KNOP1: variants seen among roughly 807,000 people sequenced by gnomAD.
The protein encoded by KNOP1 is lysine-rich nucleolar protein 1.
A neutral mutation model predicts 30.6 loss-of-function variants in KNOP1; 20 were observed. That is an observed-to-expected ratio of 0.65 (90% CI 0.46 to 0.95). The LOEUF (loss-of-function observed/expected upper bound fraction) is 0.95. KNOP1 is among the 40% of genes least tolerant of loss of function. The pLI, the probability that KNOP1 is intolerant of heterozygous loss-of-function variation, is 0.00. For synonymous variants in KNOP1, 204 were observed against 210.0 expected, an observed-to-expected ratio of 0.97 and a Z score of 0.25; for missense variants, 540 against 562.0, an observed-to-expected ratio of 0.96 and a Z score of 0.40.
rs1976303189 is a variant in KNOP1 at position 19,705,053 on chromosome 16, A to G, written c.*1857T>C. The G allele has an allele frequency of 4.8e-6, 2 of 412,676 alleles. No homozygotes were observed. The highest frequency in any genetic ancestry group is 2.0e-5 in the African/African-American group (1 of 48,884). 25.6% of individuals were successfully genotyped at this position (412,676 alleles called of 1,614,324 possible). On this transcript the variant is annotated 3_prime_UTR_variant, in exon 5 of 5. Coordinates refer to ENST00000219837, the MANE Select transcript of KNOP1 (RefSeq NM_001012991.3). ...TGGGCAGATGACTCATTGCCCAGCA[A>G]TGGAGGCTTCTGGAAGTTTCCTTGA...
chr16:19,713,974 C>A, intron 2 of KNOP1, 144 bp downstream of exon 2: 1 of 766,776 alleles, frequency 1.3e-6, no homozygotes, highest in Non-Finnish European at 2.1e-6. Context: ...ACTCCCTATT[C>A]TGGCTGAAAT....
At position 19,702,376 on chromosome 16, in the gene KNOP1, C is replaced by G. The variant is rs1976196840; in HGVS notation, c.*4534G>C. 6.6e-6 allele frequency: 1 copy of G among 152,224 alleles called. No individual in the cohort carries two copies. Among genetic ancestry groups the G allele is most frequent in the Admixed American group, 6.5e-5 (1 of 15,274 alleles). 9.4% of individuals were successfully genotyped at this position (152,224 alleles called of 1,614,324 possible). On this transcript the variant is annotated 3_prime_UTR_variant, in exon 5 of 5. Transcript: ENST00000219837. ...TGGCAAATTCACAAATTATGTTCTT[C>G]AAGTCATTTCTTCTCCTCTGAGGCT...
intron 4 of KNOP1, among the ~76,000 whole-genome samples, chr16:19,708,794 G>A (rs1229806835): frequency 6.6e-6 from 1 of 152,162 alleles, no homozygotes; most frequent in African/African-American, 2.4e-5. Flanking sequence ...CAGCTCCCCT[G>A]CCCTGCAGTT....
At position 19,713,389 on chromosome 16, in the gene KNOP1, G is replaced by A. The variant is rs528739189; in HGVS notation, c.918+729C>T. Among the ~76,000 whole-genome samples, 4 of 152,236 alleles carry A rather than the reference G, an allele frequency of 2.6e-5. No individual in the cohort carries two copies. In the East Asian group the frequency reaches 5.8e-4, roughly 22 times the overall value. ...ATTACAAGCATGAGCCACCGCACCC[G>A]GCCACCTTTGGTTTTAGATTAGAGC... On this transcript the variant is annotated intron_variant, in intron 2 of 4. Transcript: ENST00000219837.
At chr16:19,713,445 C>T (rs753268013) in intron 2 of KNOP1, among the ~76,000 whole-genome samples, 10 of 152,156 alleles carry the variant, frequency 6.6e-5, no homozygotes, top group Non-Finnish European at 1.2e-4. Context: ...CTGAGGCCTG[C>T]GATAGTGGCC....
chr16:19,707,785 A>C (rs1396982927), intron 4 of KNOP1, among the ~76,000 whole-genome samples: 2 of 76,234 alleles, frequency 2.6e-5, no homozygotes, highest in Non-Finnish European at 5.0e-5. Flanking sequence ...ACCTCCTCCC[A>C]CCACGCTACA....
intron 4 of KNOP1, 142 bp from the exon 5 acceptor site, chr16:19,707,363 A>ATTATCC (rs779065744): frequency 3.0e-5 from 20 of 656,132 alleles, no homozygotes; most frequent in Non-Finnish European, 5.0e-5. Flanking sequence ...TCAACAACGG[A>ATTATCC]TTATTCCGTT....
chr16:19,706,923 T>C lies in KNOP1; in HGVS notation c.1364A>G (p.Lys455Arg), dbSNP rs778347837. 4 of 1,612,382 alleles carry C rather than the reference T, an allele frequency of 2.5e-6. No individual in the cohort carries two copies. In the African/African-American group the frequency reaches 4.0e-5, roughly 16 times the overall value. Residue 455 changes from lysine (K) to arginine (R), a missense_variant, in exon 5 of 5, where the codon AAG becomes AGG. Physicochemically the swap from Lys to Arg is conservative, Grantham distance 26. Coordinates refer to ENST00000219837, the MANE Select transcript of KNOP1 (RefSeq NM_001012991.3). ...YIDRNASKSV[K>R]LED ...AAACTCTAGAGTTTAATCTTCCAGC[T>C]TGACTGACTTGGAAGCGTTCCTGTC...
At position 19,706,490 on chromosome 16, in the gene KNOP1, C is replaced by T. The variant is rs189372775; in HGVS notation, c.*420G>A. On this transcript the variant is annotated 3_prime_UTR_variant, in exon 5 of 5. Transcript: ENST00000219837. ...ACATTAAGGAAAACACTAGTATGTC[C>T]CTAGTACCTGCTAAACACTCAACAA... 1 of 183,854 alleles carries T rather than the reference C, an allele frequency of 5.4e-6. No individual in the cohort carries two copies. Among genetic ancestry groups the T allele is most frequent in the Non-Finnish European group, 1.1e-5 (1 of 89,778 alleles). The allele number at this position is 183,854 out of a possible 1,614,324, so 11.4% of individuals were successfully genotyped here. A position where few individuals can be genotyped will look rare whatever the true frequency, so the allele number is the denominator to read the frequency against.
rs368855262 is a variant in KNOP1, at chr16:19,714,386, T to G, written c.650A>C (p.Lys217Thr). Reference protein sequence around the residue: ...EHNGKVKKKKKIHQEGDALPG... With the variant: ...EHNGKVKKKKTIHQEGDALPG... ...GAGGGCATCTCCCTCCTGGTGGATT[T>G]TTTTTTTCTTCTTCACCTTCCCATT... Residue 217 changes from lysine to threonine, a missense_variant, in exon 2 of 5, where the codon AAA becomes ACA. Coordinates refer to ENST00000219837, the MANE Select transcript of KNOP1 (RefSeq NM_001012991.3). The G allele has an allele frequency of 2.5e-6, 4 of 1,613,938 alleles. No homozygotes were observed. Among genetic ancestry groups the G allele is most frequent in the Non-Finnish European group, 3.4e-6 (4 of 1,179,928 alleles).
At chr16:19,717,618 A>C in intron 1 of KNOP1, 11 of 985,644 alleles carry the variant, frequency 1.1e-5, no homozygotes, top group Non-Finnish European at 1.3e-5. Flanking sequence ...CACTCTTTCA[A>C]GGAGAAAGGA....
At chr16:19,710,996 A>T (rs954405374) in intron 3 of KNOP1, among the ~76,000 whole-genome samples, 2 of 151,994 alleles carry the variant, frequency 1.3e-5, no homozygotes, top group African/African-American at 4.8e-5. Flanking sequence ...TATGGGAACG[A>T]CAGAAGCGGA....
intron 4 of KNOP1, among the ~76,000 whole-genome samples, chr16:19,707,746 C>A: frequency 7.6e-6 from 1 of 131,700 alleles, no homozygotes; most frequent in Non-Finnish European, 1.6e-5. Context: ...GAGCACTCCC[C>A]CCACCTCCCT....
intron 4 of KNOP1, 112 bp from the exon 5 acceptor site, chr16:19,707,333 C>A: frequency 2.5e-6 from 2 of 789,534 alleles, no homozygotes; most frequent in East Asian, 2.5e-5. Flanking sequence ...TGCTGTGTAC[C>A]AGGCACAGTG....
In KNOP1 at chr16:19,705,323, A is replaced by G. The variant is rs1397804867; in HGVS notation, c.*1587T>C. The G allele has an allele frequency of 4.4e-6, 2 of 450,016 alleles. No homozygotes were observed. The highest frequency in any genetic ancestry group is 9.0e-6 in the Non-Finnish European group (2 of 223,412). 27.9% of individuals were successfully genotyped at this position (450,016 alleles called of 1,614,324 possible). A position where few individuals can be genotyped will look rare whatever the true frequency, so the allele number is the denominator to read the frequency against. ...GTAGGAGGCATGTTCAGGCCAAACG[A>G]TCGTGAAAATGTCCCAGTCAGAACC... On this transcript the variant is annotated 3_prime_UTR_variant, in exon 5 of 5. Transcript: ENST00000219837.
At position 19,704,199 on chromosome 16, in the gene KNOP1, CA is replaced by C. The variant is rs370301813; in HGVS notation, c.*2710del. The C allele has an allele frequency of 1.1e-4, 17 of 152,282 alleles. No individual in the cohort carries two copies. Among genetic ancestry groups the C allele is most frequent in the African/African-American group, 3.9e-4 (16 of 41,444 alleles). 9.4% of individuals were successfully genotyped at this position (152,282 alleles called of 1,614,324 possible). On this transcript the variant is annotated 3_prime_UTR_variant, in exon 5 of 5. Transcript: ENST00000219837. ...TCCCGGGTTCAAGCGATTCTCCTGT[CA>C]GCCTCCTGAGTAGCCGGGATTACAA...
At chr16:19,711,787 C>T (rs1397719590) in intron 2 of KNOP1, 4 of 339,648 alleles carry the variant, frequency 1.2e-5, no homozygotes. Context: ...CTACACACGT[C>T]ACCTACCTCC....
chr16:19,707,470 C>T (rs1040042733), intron 4 of KNOP1, among the ~76,000 whole-genome samples: 4 of 152,002 alleles, frequency 2.6e-5, no homozygotes, highest in Non-Finnish European at 4.4e-5. Context: ...AGAAACCTAA[C>T]TAGTGACCCC....
intron 4 of KNOP1, among the ~76,000 whole-genome samples, chr16:19,707,726 A>T (rs1162203387): frequency 6.2e-5 from 3 of 48,230 alleles, no homozygotes; most frequent in African/African-American, 1.8e-4. Context: ...TCCCCCCACG[A>T]CCCTACACAG....
Sources: allele counts gnomAD v4.1 joint callset (sites outside exome capture counted in the v4.1 genomes callset), GRCh38; gene constraint gnomAD v4.1.1; transcripts MANE v1.5; gene names NCBI Gene and HGNC (gene_info 2026-07-23, HGNC 2026-07-21).